The following NUMB variants were observed in gnomAD, a reference collection of about 807,000 sequenced individuals.
NUMB encodes the protein protein numb homolog.
Under a neutral mutation model 59.7 loss-of-function variants are expected in NUMB, and 29 were observed. The ratio of observed to expected loss-of-function variants is 0.49; its 90% CI spans 0.36 to 0.66. The LOEUF is 0.66. NUMB is among the 30% of genes least tolerant of loss of function. The pLI, the probability that NUMB is intolerant of heterozygous loss-of-function variation, is 0.00. For missense variants in NUMB, 723 were observed against 822.0 expected (o/e 0.88, Z 1.47); for synonymous variants, 288 against 288.2 (o/e 1.00, Z 0.01).
At chr14:73,354,794 C>G (rs949610239) in intron 4 of NUMB, among the ~76,000 whole-genome samples, 2 of 117,600 alleles carry the variant, frequency 1.7e-5, no homozygotes, top group African/African-American at 3.3e-5. Context: ...TGCCACTGCA[C>G]TCCAGCCTGT....
intron 2 of NUMB, among the ~76,000 whole-genome samples, chr14:73,367,342 T>TAGAGAG (rs1350365792): frequency 6.7e-4 from 53 of 78,568 alleles, no homozygotes; most frequent in African/African-American, 2.9e-3. Flanking sequence ...TATATATATA[T>TAGAGAG]ATATATAGAG....
intron 6 of NUMB, among the ~76,000 whole-genome samples, chr14:73,314,943 C>T (rs928208095): frequency 1.3e-5 from 2 of 152,092 alleles, no homozygotes; most frequent in Non-Finnish European, 2.9e-5. Flanking sequence ...CTGTGCTACA[C>T]AGGAAATAAT....
chr14:73,344,149 T>C (rs1177115651), intron 4 of NUMB, among the ~76,000 whole-genome samples: 3 of 152,242 alleles, frequency 2.0e-5, no homozygotes, highest in Non-Finnish European at 2.9e-5. Flanking sequence ...ATTTAAATTT[T>C]CAGTCTGTGA....
chr14:73,396,191 T>TC (rs1215572066), intron 2 of NUMB, among the ~76,000 whole-genome samples: 1 of 152,158 alleles, frequency 6.6e-6, no homozygotes, highest in Non-Finnish European at 1.5e-5. Context: ...CAAGTGATCC[T>TC]CCTGCCTCAG....
At chr14:73,358,602 C>CTTTTTT (rs35552161) in intron 3 of NUMB, among the ~76,000 whole-genome samples, 2 of 118,934 alleles carry the variant, frequency 1.7e-5, no homozygotes, top group Non-Finnish European at 3.5e-5. Context: ...GAAAGCTAGA[C>CTTTTTT]TTTTTTTTTT....
intron 6 of NUMB, among the ~76,000 whole-genome samples, chr14:73,303,232 CAAAG>C (rs546295090): frequency 5.9e-4 from 89 of 150,726 alleles, no homozygotes; most frequent in Non-Finnish European, 9.6e-4. Flanking sequence ...AAGAAAGAAA[CAAAG>C]AAAAAAAAGA....
intron 9 of NUMB, 74 bp from the exon 10 acceptor site, chr14:73,284,448 G>T: frequency 7.6e-7 from 1 of 1,313,954 alleles, no homozygotes; most frequent in Non-Finnish European, 1.1e-6. Flanking sequence ...TGACAAATTC[G>T]AAAGCCCTCT....
intron 7 of NUMB, among the ~76,000 whole-genome samples, 198 bp downstream of exon 7, chr14:73,297,013 C>G (rs1231414120): frequency 6.6e-6 from 1 of 152,030 alleles, no homozygotes; most frequent in Admixed American, 6.6e-5. Flanking sequence ...ACTAAAAATA[C>G]AAAATTAGCT....
intron 6 of NUMB, among the ~76,000 whole-genome samples, chr14:73,305,118 A>G (rs2139869024): frequency 6.6e-6 from 1 of 152,242 alleles, no homozygotes; most frequent in East Asian, 1.9e-4. Flanking sequence ...GTTTTTTGTG[A>G]AGGACCAGAC....
At chr14:73,439,983 A>G (rs1207968684) in intron 1 of NUMB, among the ~76,000 whole-genome samples, 3 of 152,194 alleles carry the variant, frequency 2.0e-5, no homozygotes, top group African/African-American at 7.2e-5. Context: ...TACAACCTGT[A>G]TATTTAAATC....
intron 4 of NUMB, among the ~76,000 whole-genome samples, chr14:73,331,405 C>CGTG (rs1157596957): frequency 1.3e-5 from 2 of 151,880 alleles, no homozygotes; most frequent in South Asian, 2.1e-4. Flanking sequence ...ATTAGCCGGG[C>CGTG]GTGGTGGTGG....
chr14:73,337,862 T>C (rs539492799), intron 4 of NUMB, among the ~76,000 whole-genome samples: 2 of 152,268 alleles, frequency 1.3e-5, no homozygotes, highest in South Asian at 2.1e-4. Context: ...TATTTAAAAA[T>C]TTACCATTTA....
At chr14:73,381,909 T>G (rs1402854991) in intron 2 of NUMB, among the ~76,000 whole-genome samples, 1 of 152,206 alleles carries the variant, frequency 6.6e-6, no homozygotes, top group African/African-American at 2.4e-5. Context: ...AATGCAGAGT[T>G]AAGCTTGACA....
chr14:73,344,815 A>G (rs1566751991), intron 4 of NUMB, among the ~76,000 whole-genome samples: 1 of 152,266 alleles, frequency 6.6e-6, no homozygotes, highest in African/African-American at 2.4e-5. Flanking sequence ...CATATGTTCT[A>G]CATAATCTGG....
At chr14:73,387,222 T>C (rs1171716271) in intron 2 of NUMB, among the ~76,000 whole-genome samples, 3 of 152,136 alleles carry the variant, frequency 2.0e-5, no homozygotes, top group Non-Finnish European at 4.4e-5. Flanking sequence ...GGCTGTGTCC[T>C]TACCCTGATC....
intron 2 of NUMB, among the ~76,000 whole-genome samples, chr14:73,384,712 C>A (rs1293403360): frequency 6.8e-6 from 1 of 146,850 alleles, no homozygotes. Flanking sequence ...AGATTATAGG[C>A]ACGTGCCACC....
At chr14:73,353,719 T>A (rs896203023) in intron 4 of NUMB, among the ~76,000 whole-genome samples, 1 of 151,204 alleles carries the variant, frequency 6.6e-6, no homozygotes, top group African/African-American at 2.4e-5. Context: ...AATAAAAAAA[T>A]AAATAAATGA....
At chr14:73,434,809 A>G (rs1313740619) in intron 1 of NUMB, among the ~76,000 whole-genome samples, 1 of 152,192 alleles carries the variant, frequency 6.6e-6, no homozygotes, top group Non-Finnish European at 1.5e-5. Flanking sequence ...GTTCCCACCA[A>G]TATTAACCAA....
chr14:73,334,074 G>A (rs1892151938), intron 4 of NUMB, among the ~76,000 whole-genome samples: 2 of 147,718 alleles, frequency 1.4e-5, no homozygotes, highest in African/African-American at 5.0e-5. Context: ...TTTTCGAGAT[G>A]GAGTTTCGTT....
Sources: gnomAD v4.1 joint callset for allele counts (sites outside exome capture counted in the v4.1 genomes callset) on GRCh38, gnomAD v4.1.1 for gene constraint, MANE v1.5 for transcripts, NCBI Gene and HGNC (gene_info 2026-07-23, HGNC 2026-07-21) for gene names.